KALRN: variants seen among roughly 807,000 people sequenced by gnomAD.
KALRN encodes the protein kalirin RhoGEF kinase, also known as kalirin.
Under a neutral mutation model 353.7 loss-of-function variants are expected in KALRN, and 70 were observed. The ratio of observed to expected loss-of-function variants is 0.20; its 90% CI spans 0.16 to 0.24. KALRN has a LOEUF of 0.24. Ranked by LOEUF, KALRN falls within the 10% of genes least tolerant of loss-of-function variation. KALRN has a pLI of 1.00. For synonymous variants in KALRN, 1,391 were observed against 1,434.8 expected (o/e 0.97, Z 0.69); for missense variants, 2,791 against 3,756.7 (o/e 0.74, Z 6.72).
intron 3 of KALRN, among the ~76,000 whole-genome samples, chr3:124,244,920 A>G (rs1195005215): frequency 6.6e-6 from 1 of 152,158 alleles, no homozygotes; most frequent in Admixed American, 6.5e-5. Flanking sequence ...TGATAGATGT[A>G]TACAATGTGC....
intron 25 of KALRN, among the ~76,000 whole-genome samples, chr3:124,464,875 A>C (rs1049392939): frequency 6.6e-6 from 1 of 151,554 alleles, no homozygotes; most frequent in Non-Finnish European, 1.5e-5. Context: ...AAAAAAAAAA[A>C]ACCTCATAGT....
intron 1 of KALRN, among the ~76,000 whole-genome samples, chr3:124,195,636 T>G (rs1318721855): frequency 6.6e-6 from 1 of 152,144 alleles, no homozygotes; most frequent in Non-Finnish European, 1.5e-5. Context: ...GCCCCTGGAT[T>G]CTATGGGCAT....
intron 13 of KALRN, among the ~76,000 whole-genome samples, chr3:124,399,729 T>C (rs2090621764): frequency 6.6e-6 from 1 of 152,222 alleles, no homozygotes; most frequent in South Asian, 2.1e-4. Flanking sequence ...TGTTAGTTCA[T>C]CTCATAAACT....
rs117824816 is a variant in KALRN at position 124,299,363 on chromosome 3, G to A, written c.1092+450G>A. On this transcript the variant is annotated intron_variant, in intron 6 of 59. Transcript: ENST00000682506. ...TAAGGGACATGTGATTTCTGCCTTC[G>A]AATATTTAAAGGGCTGCCTTAAAGA... Among the ~76,000 whole-genome samples, 83 of 152,264 alleles carry A rather than the reference G, an allele frequency of 5.5e-4. No individual in the cohort carries two copies. In the East Asian group the frequency reaches 0.012, roughly 22 times the overall value.
At chr3:124,471,987 A>AAAAAAG (rs1561053169) in intron 25 of KALRN, among the ~76,000 whole-genome samples, 1 of 144,434 alleles carries the variant, frequency 6.9e-6, no homozygotes, top group African/African-American at 2.5e-5. Flanking sequence ...AAAAAAAACA[A>AAAAAAG]CCTTCATTTT....
chr3:124,427,550 T>A (rs1308208614), intron 15 of KALRN, among the ~76,000 whole-genome samples: 1 of 152,236 alleles, frequency 6.6e-6, no homozygotes, highest in East Asian at 1.9e-4. Flanking sequence ...TTAAATGGCA[T>A]CACCATTTGT....
intron 5 of KALRN, among the ~76,000 whole-genome samples, chr3:124,287,137 TG>T (rs1298930163): frequency 6.6e-6 from 1 of 152,162 alleles, no homozygotes; most frequent in African/African-American, 2.4e-5. Flanking sequence ...GGGTCACAAA[TG>T]AATGCCCAGA....
chr3:124,392,455 TAAAG>T (rs1318828078), intron 11 of KALRN, among the ~76,000 whole-genome samples: 2 of 151,904 alleles, frequency 1.3e-5, no homozygotes, highest in Non-Finnish European at 2.9e-5. Flanking sequence ...ATTTTACTGA[TAAAG>T]AAAGCCAAGG....
chr3:124,241,476 CTGAAA>C (rs1443578452), intron 3 of KALRN, among the ~76,000 whole-genome samples: 3 of 152,076 alleles, frequency 2.0e-5, no homozygotes, highest in Non-Finnish European at 4.4e-5. Context: ...TCTTAGCTAA[CTGAAA>C]TAAGGAAAAT....
chr3:124,056,303 T>A (rs965266349), intron 1 of KALRN, among the ~76,000 whole-genome samples: 6 of 152,138 alleles, frequency 3.9e-5, no homozygotes, highest in Non-Finnish European at 8.8e-5. Context: ...TGGAAGTCTG[T>A]CCTTTGGATG....
Position 124,699,886 on chromosome 3 carries a change from C to A in KALRN, c.7849C>A (p.Gln2617Lys). 3.1e-6 allele frequency: 5 copies of A among 1,614,212 alleles called. No homozygotes were observed. The highest frequency in any genetic ancestry group is 4.2e-6 in the Non-Finnish European group (5 of 1,180,016). ...YREEGSQIWQQSVASTLDTYL... is the reference protein window; with the variant it reads ...YREEGSQIWQKSVASTLDTYL... ...TACACTAGGTTCTCAGATCTGGCAG[C>A]AGTCAGTGGCTTCGACCTTGGACAC... is the stretch of plus-strand genomic sequence containing the variant. The change falls in exon 56 of 60, where the codon CAG (glutamine) becomes AAG (lysine). Residue 2617 changes from glutamine to lysine, a missense_variant. Physicochemically the swap from Gln to Lys is moderately conservative, Grantham distance 53. Transcript: ENST00000682506.
rs2039108811 is a variant in KALRN at position 124,033,755 on chromosome 3, G to C, written c.15G>C (p.Glu5Asp). Among the ~76,000 whole-genome samples, 1 of 152,134 alleles carries C rather than the reference G, an allele frequency of 6.6e-6. No homozygotes were observed. The highest frequency in any genetic ancestry group is 1.5e-5 in the Non-Finnish European group (1 of 68,010). Residue 5 changes from glutamate to aspartate, a missense_variant, in exon 1 of 60, where the codon GAG (glutamate) becomes GAC (aspartate). Around this residue, in one of 11 missense-constraint regions of KALRN, gnomAD observed 110 missense variants for 204.1 expected, o/e 0.54. Transcript: ENST00000682506. The surrounding 1 kb of genome is among the most constrained non-coding windows in gnomAD (Gnocchi z 6.2). MNPP[E>D]GAAEEGGAAD... ...CTCCCACAGTCATGAACCCCCCTGAGGGAGCAGCGGAGGAAGGAGGAGCAG... is the reference window on the plus strand; with the variant it reads ...CTCCCACAGTCATGAACCCCCCTGACGGAGCAGCGGAGGAAGGAGGAGCAG...
At chr3:124,613,565 A>G (rs1278200876) in intron 34 of KALRN, among the ~76,000 whole-genome samples, 1 of 152,196 alleles carries the variant, frequency 6.6e-6, no homozygotes, top group Non-Finnish European at 1.5e-5. Context: ...TATAATTGGG[A>G]AGTGATCTGT....
intron 3 of KALRN, among the ~76,000 whole-genome samples, chr3:124,254,776 T>C (rs902664718): frequency 1.3e-5 from 2 of 152,106 alleles, no homozygotes; most frequent in African/African-American, 4.8e-5. Flanking sequence ...AGATTTGAGG[T>C]CCTCACGATT....
At chr3:124,535,491 T>G (rs1434145630) in intron 33 of KALRN, among the ~76,000 whole-genome samples, 1 of 152,220 alleles carries the variant, frequency 6.6e-6, no homozygotes, top group Non-Finnish European at 1.5e-5. Flanking sequence ...CACTTGGGTT[T>G]CAGATCAGGA....
At chr3:124,034,227 C>A (rs2039186930) in intron 1 of KALRN, among the ~76,000 whole-genome samples, 1 of 152,142 alleles carries the variant, frequency 6.6e-6, no homozygotes, top group Non-Finnish European at 1.5e-5. Flanking sequence ...CGCCCTGGGT[C>A]GGCACCCCTC....
intron 56 of KALRN, among the ~76,000 whole-genome samples, 197 bp downstream of exon 56, chr3:124,700,230 G>A (rs990454987): frequency 6.6e-6 from 1 of 152,174 alleles, no homozygotes; most frequent in Non-Finnish European, 1.5e-5. Context: ...GCCTACCCCT[G>A]CACCTGCCAA....
chr3:124,500,879 C>T (rs989019661), intron 33 of KALRN, among the ~76,000 whole-genome samples: 4 of 111,266 alleles, frequency 3.6e-5, no homozygotes, highest in African/African-American at 1.5e-4. Context: ...GCTTTGCAGT[C>T]ACACTTTAGA....
chr3:124,517,667 C>G (rs943493422), intron 33 of KALRN, among the ~76,000 whole-genome samples: 2 of 152,116 alleles, frequency 1.3e-5, no homozygotes, highest in African/African-American at 4.8e-5. Context: ...CAGCTTGGCT[C>G]CCCACTCGTT....
Sources: allele counts gnomAD v4.1 joint callset (sites outside exome capture counted in the v4.1 genomes callset), GRCh38; gene constraint gnomAD v4.1.1; regional missense constraint gnomAD v4.1.1; non-coding constraint Gnocchi (gnomAD v3.1); transcripts MANE v1.5; gene names NCBI Gene and HGNC (gene_info 2026-07-23, HGNC 2026-07-21).